DOCK7: variants seen among roughly 807,000 people sequenced by gnomAD.
The protein encoded by DOCK7 is dedicator of cytokinesis 7, also known as dedicator of cytokinesis protein 7.
DOCK7 carries 138 observed loss-of-function variants against 271.0 expected under a neutral mutation model. The ratio of observed to expected loss-of-function variants is 0.51; its 90% CI spans 0.44 to 0.59. The LOEUF is 0.59. Among genes scored for constraint, DOCK7 ranks in the 20% least tolerant of loss-of-function variants. The probability of loss-of-function intolerance (pLI) is 0.00; values close to 1 mark genes in which losing one functional copy is unlikely to be tolerated. For synonymous variants in DOCK7, 823 were observed against 876.1 expected (o/e 0.94, Z 1.07); for missense variants, 2,066 against 2,592.4 (o/e 0.80, Z 4.41).
At chr1:62,569,324 A>G (rs1000971198) in intron 18 of DOCK7, among the ~76,000 whole-genome samples, 2 of 152,166 alleles carry the variant, frequency 1.3e-5, no homozygotes, top group Non-Finnish European at 2.9e-5. Context: ...ATGAACATCA[A>G]TGCAAAAATC....
chr1:62,596,618 G>A (rs763009991), intron 14 of DOCK7, among the ~76,000 whole-genome samples: 2 of 151,510 alleles, frequency 1.3e-5, no homozygotes, highest in Non-Finnish European at 3.0e-5. Flanking sequence ...AGACCAGCAT[G>A]GGCAATACAT....
intron 17 of DOCK7, among the ~76,000 whole-genome samples, chr1:62,577,913 C>A (rs572678782): frequency 3.2e-4 from 48 of 151,884 alleles, no homozygotes; most frequent in African/African-American, 1.1e-3. Flanking sequence ...GCAATTCAAC[C>A]ATAGTAATTT....
chr1:62,461,020 A>G (rs960643851), intron 48 of DOCK7: 1 of 152,214 alleles, frequency 6.6e-6, no homozygotes, highest in African/African-American at 2.4e-5. Context: ...TTTTAGATTA[A>G]AAGATTAAAG....
At chr1:62,455,553 A>G in intron 49 of DOCK7, 97 bp from the exon 50 acceptor site, 1 of 1,165,470 alleles carries the variant, frequency 8.6e-7, no homozygotes. Flanking sequence ...GTTACCTTAA[A>G]GTTTTGCCAC....
intron 2 of DOCK7, among the ~76,000 whole-genome samples, chr1:62,659,912 A>T (rs1364244922): frequency 6.6e-6 from 1 of 152,206 alleles, no homozygotes; most frequent in African/African-American, 2.4e-5. Context: ...GTACTAAATA[A>T]CAGAGCTATA....
chr1:62,653,825 T>C (rs759509182), intron 3 of DOCK7, 32 bp from the exon 4 acceptor site: 2 of 1,503,794 alleles, frequency 1.3e-6, no homozygotes, highest in South Asian at 1.1e-5. Flanking sequence ...ATTTGTAATT[T>C]AGACGGGACA....
chr1:62,488,547 C>T (rs1447539833), intron 42 of DOCK7: 1 of 184,836 alleles, frequency 5.4e-6, no homozygotes, highest in Non-Finnish European at 1.1e-5. Flanking sequence ...ATTAAAGTTT[C>T]ACATCATTTA....
intron 22 of DOCK7, among the ~76,000 whole-genome samples, chr1:62,547,093 T>C (rs1231399534): frequency 6.6e-6 from 1 of 152,150 alleles, no homozygotes; most frequent in Non-Finnish European, 1.5e-5. Flanking sequence ...CCTTTAAAAC[T>C]ACAATATATG....
At position 62,634,890 on chromosome 1, in the gene DOCK7, A is replaced by G. The variant is rs774304343; in HGVS notation, c.918T>C (p.Ser306=). The change falls in exon 9 of 50, where the codon TCT becomes TCC. Residue 306 remains serine (S), a synonymous_variant. Coordinates refer to ENST00000635253, the MANE Select transcript of DOCK7 (RefSeq NM_001367561.1). Reference sequence around the variant, plus strand: ...GACGTAACAACCCTTTCATCTGCTCAGAATTAAGGTCAAAATAAAAGTTTT... The same window carrying G: ...GACGTAACAACCCTTTCATCTGCTCGGAATTAAGGTCAAAATAAAAGTTTT... The part of the protein sequence containing the change: ...ISENFYFDLN[S]EQMKGLLRPH... 1.2e-6 allele frequency: 2 copies of G among 1,608,372 alleles called. No individual in the cohort carries two copies. The highest frequency in any genetic ancestry group is 2.2e-5 in the South Asian group (2 of 89,938).
intron 14 of DOCK7, among the ~76,000 whole-genome samples, chr1:62,618,097 G>A (rs1170138718): frequency 5.3e-5 from 8 of 151,924 alleles, no homozygotes; most frequent in East Asian, 3.9e-4. Context: ...TTCTGGTCTC[G>A]GCATTCACAA....
chr1:62,635,917 G>A (rs971527774), intron 8 of DOCK7, among the ~76,000 whole-genome samples: 2 of 152,084 alleles, frequency 1.3e-5, no homozygotes, highest in African/African-American at 4.8e-5. Flanking sequence ...CACCCGGCCA[G>A]CACTTCAAGT....
intron 33 of DOCK7, chr1:62,510,992 T>C (rs1206472821): frequency 4.6e-6 from 1 of 219,126 alleles, no homozygotes; most frequent in African/African-American, 2.3e-5. Context: ...TTTCCTACCA[T>C]TCTTCCTCTT....
At chr1:62,477,647 T>C in intron 44 of DOCK7, 53 bp downstream of exon 44, 1 of 1,506,420 alleles carries the variant, frequency 6.6e-7, no homozygotes, top group Non-Finnish European at 8.9e-7. Context: ...AGTCTAATCA[T>C]CAGAGAGAAT....
chr1:62,530,138 C>G (rs1645130348), intron 29 of DOCK7, among the ~76,000 whole-genome samples: 1 of 152,204 alleles, frequency 6.6e-6, no homozygotes, highest in Admixed American at 6.5e-5. Flanking sequence ...TTAACTGGCC[C>G]TTAATGCTGC....
intron 1 of DOCK7, among the ~76,000 whole-genome samples, chr1:62,687,112 A>C (rs949630908): frequency 6.6e-6 from 1 of 152,172 alleles, no homozygotes; most frequent in Admixed American, 6.5e-5. Context: ...GCAAACTAAA[A>C]AGACTCAGAG....
intron 1 of DOCK7, among the ~76,000 whole-genome samples, chr1:62,674,315 C>CA (rs1374761291): frequency 6.6e-6 from 1 of 151,998 alleles, no homozygotes; most frequent in Non-Finnish European, 1.5e-5. Flanking sequence ...ATAGACCCCC[C>CA]CCACCAACCA....
rs1176980338 is a variant in DOCK7 at position 62,545,005 on chromosome 1, C to A, written c.2801G>T (p.Gly934Val). 6.5e-7 allele frequency: 1 copy of A among 1,549,676 alleles called. No homozygotes were observed. The highest frequency in any genetic ancestry group is 1.4e-5 in the African/African-American group (1 of 72,978). The stretch of plus-strand genomic sequence containing the variant: ...TCCCCATGGGGCAGCTTTTGGACCA[C>A]CAGTGTTAACCCAGGAATTGGAGCG... ...LDRSNSWVNT[G>V]GPKAAPWGSN... The change falls in exon 23 of 50, where the codon GGT (glycine) becomes GTT (valine). Residue 934 changes from glycine to valine, a missense_variant. Around this residue, in one of 2 missense-constraint regions of DOCK7, gnomAD observed 1,414 missense variants for 1,670.4 expected, o/e 0.85. Coordinates refer to ENST00000635253, the MANE Select transcript of DOCK7 (RefSeq NM_001367561.1).
rs754767529 is a variant in DOCK7, at chr1:62,528,291, G to A, written c.3796C>T (p.Arg1266Ter). 1.9e-6 allele frequency: 3 copies of A among 1,609,118 alleles called. No homozygotes were observed. Among genetic ancestry groups the A allele is most frequent in the Non-Finnish European group, 2.5e-6 (3 of 1,177,932 alleles). ...GTGGCTATACAAATTGGTCTTCCTCGTTGATTGTGAGTTTCTAAAGAAAAA... is the reference window on the plus strand; with the variant it reads ...GTGGCTATACAAATTGGTCTTCCTCATTGATTGTGAGTTTCTAAAGAAAAA... ...LYDFTETHNQ[R>*]GRPICIATDD... The change falls in exon 31 of 50, where the codon CGA (arginine) becomes TGA (stop). Residue 1266 changes from arginine (R) to a stop codon, truncating the protein, a stop_gained. Coordinates refer to ENST00000635253, the MANE Select transcript of DOCK7 (RefSeq NM_001367561.1). LOFTEE classifies it high-confidence loss of function.
intron 48 of DOCK7, among the ~76,000 whole-genome samples, chr1:62,470,077 TG>T (rs1217203386): frequency 6.6e-6 from 1 of 151,994 alleles, no homozygotes; most frequent in East Asian, 1.9e-4. Flanking sequence ...GACAGTAAAA[TG>T]GAAGAAAAGA....
Sources: allele counts gnomAD v4.1 joint callset (sites outside exome capture counted in the v4.1 genomes callset), GRCh38; gene constraint gnomAD v4.1.1; regional missense constraint gnomAD v4.1.1; transcripts MANE v1.5; gene names NCBI Gene and HGNC (gene_info 2026-07-23, HGNC 2026-07-21).